STAMBP: variants seen among roughly 807,000 people sequenced by gnomAD.
The protein encoded by STAMBP is STAM-binding protein.
A neutral mutation model predicts 50.7 loss-of-function variants in STAMBP; 31 were observed. That is an observed-to-expected ratio of 0.61 (90% CI 0.46 to 0.83). The LOEUF (loss-of-function observed/expected upper bound fraction) is 0.83. STAMBP is among the 40% of genes least tolerant of loss of function. STAMBP has a pLI of 0.00. For synonymous variants in STAMBP, 211 were observed against 192.4 expected (o/e 1.10, Z -0.80); for missense variants, 472 against 518.9 (o/e 0.91, Z 0.88).
chr2:73,830,474 A>C (rs76578637), intron 1 of STAMBP, among the ~76,000 whole-genome samples: 2,557 of 152,336 alleles, frequency 0.017, 69 homozygotes, highest in African/African-American at 0.058. Flanking sequence ...ATCTGGAAGG[A>C]GAAATAATAG....
intron 8 of STAMBP, among the ~76,000 whole-genome samples, chr2:73,859,709 AAATAT>A (rs1228886295): frequency 3.5e-5 from 4 of 115,240 alleles, no homozygotes; most frequent in Non-Finnish European, 6.9e-5. Context: ...AAAAATAAAA[AAATAT>A]AATAAAAAAA....
At position 73,850,305 on chromosome 2, in the gene STAMBP, T is replaced by C; in HGVS notation, c.868-71T>C. 6.5e-7 allele frequency: 1 copy of C among 1,531,318 alleles called. No homozygotes were observed. Among genetic ancestry groups the C allele is most frequent in the South Asian group, 1.3e-5 (1 of 77,288 alleles). The allele number at this position is 1,531,318 out of a possible 1,614,324, so 94.9% of individuals were successfully genotyped here. ...CTTGTATAGATGCTTACCTTTCCAC[T>C]GTCGGGATGGAGTGGAGCAGGGTTG... On this transcript the variant is annotated intron_variant, in intron 6 of 9. Transcript: ENST00000394070. The surrounding 1 kb of genome is among the most constrained non-coding windows in gnomAD (Gnocchi z 4.3).
At chr2:73,861,408 A>G (rs891640025) in intron 9 of STAMBP, among the ~76,000 whole-genome samples, 1 of 152,166 alleles carries the variant, frequency 6.6e-6, no homozygotes. Flanking sequence ...GGTGGTAGTA[A>G]TGAGTCCCAG....
intron 2 of STAMBP, 45 bp downstream of exon 2, chr2:73,831,104 C>G (rs752362830): frequency 1.4e-5 from 21 of 1,534,300 alleles, no homozygotes; most frequent in Admixed American, 1.7e-5. Flanking sequence ...TGACTGGTGC[C>G]TCGCCTATTT....
chr2:73,855,553 A>G, intron 7 of STAMBP: 2 of 455,498 alleles, frequency 4.4e-6, no homozygotes, highest in South Asian at 1.6e-5. Context: ...GACTCTAACC[A>G]TGGGATGGAA....
intron 3 of STAMBP, 81 bp from the exon 4 acceptor site, chr2:73,845,086 C>T: frequency 6.3e-7 from 1 of 1,581,282 alleles, no homozygotes; most frequent in Non-Finnish European, 8.6e-7. Context: ...ATGTTGCAGT[C>T]ACCAACTTGA....
intron 7 of STAMBP, among the ~76,000 whole-genome samples, chr2:73,854,701 A>C (rs1438683268): frequency 6.6e-6 from 1 of 152,042 alleles, no homozygotes; most frequent in African/African-American, 2.4e-5. Flanking sequence ...GATTAAAAAC[A>C]AACAGGCTGA....
intron 7 of STAMBP, among the ~76,000 whole-genome samples, chr2:73,854,146 G>GA (rs1056554334): frequency 1.3e-5 from 2 of 152,184 alleles, no homozygotes; most frequent in African/African-American, 4.8e-5. Flanking sequence ...TTCACAGGGG[G>GA]AAAAACATCC....
At chr2:73,844,759 T>G (rs1048081983) in intron 2 of STAMBP, 54 bp from the exon 3 acceptor site, 6 of 1,485,848 alleles carry the variant, frequency 4.0e-6, no homozygotes, top group Non-Finnish European at 5.6e-6. Context: ...AGCTTTAGGG[T>G]CTTATGGACA....
intron 7 of STAMBP, chr2:73,855,682 G>T (rs567909836): frequency 4.4e-6 from 2 of 456,076 alleles, no homozygotes; most frequent in African/African-American, 4.0e-5. Context: ...GTGTGGATTT[G>T]CTGCCTGCAC....
downstream of STAMBP, chr2:73,870,406 T>TA (rs1679154847): frequency 6.6e-6 from 1 of 152,244 alleles, no homozygotes; most frequent in South Asian, 2.1e-4. Flanking sequence ...GTGCTGGTCT[T>TA]ACAGCATGAA....
chr2:73,842,250 C>T (rs1303812607), intron 2 of STAMBP, among the ~76,000 whole-genome samples: 1 of 152,194 alleles, frequency 6.6e-6, no homozygotes, highest in African/African-American at 2.4e-5. Context: ...TGCCTGGGGC[C>T]ACTGTCTGTG....
downstream of STAMBP, among the ~76,000 whole-genome samples, chr2:73,871,079 A>G (rs1386593597): frequency 1.3e-5 from 2 of 152,132 alleles, no homozygotes; most frequent in Non-Finnish European, 2.9e-5. Context: ...CCAAGAGTTT[A>G]AAATTATTTT....
chr2:73,859,662 A>G (rs1678045197), intron 8 of STAMBP, among the ~76,000 whole-genome samples: 1 of 151,640 alleles, frequency 6.6e-6, no homozygotes, highest in Non-Finnish European at 1.5e-5. Flanking sequence ...TGGATTAGAA[A>G]GTTTCAAAAT....
At chr2:73,832,864 A>G (rs1023899187) in intron 2 of STAMBP, among the ~76,000 whole-genome samples, 2 of 152,218 alleles carry the variant, frequency 1.3e-5, no homozygotes, top group African/African-American at 4.8e-5. Flanking sequence ...ATGCGGAAGA[A>G]TGGACTGTCT....
chr2:73,868,701 T>C (rs532761631), downstream of STAMBP, among the ~76,000 whole-genome samples: 3 of 151,858 alleles, frequency 2.0e-5, no homozygotes, highest in Admixed American at 2.0e-4. Flanking sequence ...CTGGGCAACA[T>C]AGTGAAACCC....
chr2:73,847,967 G>A (rs1432007856), intron 5 of STAMBP, among the ~76,000 whole-genome samples: 4 of 152,156 alleles, frequency 2.6e-5, no homozygotes, highest in African/African-American at 9.7e-5. Flanking sequence ...TTTCTGAAGA[G>A]CTAATATTAT....
In STAMBP at chr2:73,850,020, G is replaced by A. The variant is rs1676615470; in HGVS notation, c.868-356G>A. Among the ~76,000 whole-genome samples the A allele has an allele frequency of 6.6e-6, 1 of 152,146 alleles. No individual in the cohort carries two copies. The highest frequency in any genetic ancestry group is 1.5e-5 in the Non-Finnish European group (1 of 68,018). ...AAGCCGAGGCTTACAGGATGAGAAG[G>A]GCTTAAGGAAACAGTGACAGGACAA... On this transcript the variant is annotated intron_variant, in intron 6 of 9. Transcript: ENST00000394070. The surrounding 1 kb of genome is among the most constrained non-coding windows in gnomAD (Gnocchi z 4.3).
rs1678636063 is a variant in STAMBP, at chr2:73,864,068, A to C, written c.*1809A>C. ...CTAGGGAGCAATTTAAAAAATACTG[A>C]TGCCTGTGTTCTACCCCCCACCAAT... is the stretch of plus-strand genomic sequence containing the variant. On this transcript the variant is annotated 3_prime_UTR_variant, in exon 10 of 10. Transcript: ENST00000394070. 6.6e-6 allele frequency: 1 copy of C among 152,180 alleles called. No individual in the cohort carries two copies. The highest frequency in any genetic ancestry group is 1.5e-5 in the Non-Finnish European group (1 of 68,032). 9.4% of individuals were successfully genotyped at this position (152,180 alleles called of 1,614,324 possible).
Sources: gnomAD v4.1 joint callset for allele counts (sites outside exome capture counted in the v4.1 genomes callset) on GRCh38, gnomAD v4.1.1 for gene constraint, Gnocchi (gnomAD v3.1) non-coding constraint, MANE v1.5 for transcripts, NCBI Gene and HGNC (gene_info 2026-07-23, HGNC 2026-07-21) for gene names.